The following ZNF280D variants were observed in gnomAD, a reference collection of about 807,000 sequenced individuals.
The protein encoded by ZNF280D is suppressor of hairy wing homolog 4.
A neutral mutation model predicts 94.7 loss-of-function variants in ZNF280D; 39 were observed. The observed-to-expected ratio is 0.41, with a 90% CI of 0.32 to 0.54. The LOEUF (loss-of-function observed/expected upper bound fraction) is 0.54. Among genes scored for constraint, ZNF280D ranks in the 20% least tolerant of loss-of-function variants. ZNF280D has a pLI of 0.22. For missense variants in ZNF280D, 1,090 were observed against 1,149.3 expected (o/e 0.95, Z 0.75); for synonymous variants, 398 against 377.6 (o/e 1.05, Z -0.63).
At chr15:56,715,437 A>T (rs1740984416) in intron 1 of ZNF280D, among the ~76,000 whole-genome samples, 1 of 152,040 alleles carries the variant, frequency 6.6e-6, no homozygotes, top group Non-Finnish European at 1.5e-5. Context: ...TTGAAGATAG[A>T]GTTGTGGTTA....
At chr15:56,702,525 C>A (rs1052853465) in intron 4 of ZNF280D, among the ~76,000 whole-genome samples, 1 of 152,126 alleles carries the variant, frequency 6.6e-6, no homozygotes, top group African/African-American at 2.4e-5. Context: ...CAGTGTTCTA[C>A]CCGAATACCA....
In ZNF280D at chr15:56,631,402, C is replaced by G; in HGVS notation, c.*96G>C. On this transcript the variant is annotated 3_prime_UTR_variant, in exon 22 of 22. Transcript: ENST00000267807. ...TATGTGTGACCTCCCTTACATATTT[C>G]CATTTCTGAACCTACAACAGCACCA... 1 of 1,335,032 alleles carries G rather than the reference C, an allele frequency of 7.5e-7. No homozygotes were observed. Among genetic ancestry groups the G allele is most frequent in the East Asian group, 2.3e-5 (1 of 43,152 alleles). The allele number at this position is 1,335,032 out of a possible 1,614,324, so 82.7% of individuals were successfully genotyped here.
Position 56,631,965 on chromosome 15 carries a change from C to A in ZNF280D, c.2473G>T (p.Val825Phe). ...ADQETGSKNI[V>F]SCDSNIGADK... is the part of the protein sequence containing the mutation. ...GCACCAATATTTGAATCACAACTGA[C>A]GATGTTTTTTGAGCCAGTTTCCTGG... The change falls in exon 22 of 22, where the codon GTC becomes TTC. Residue 825 changes from valine to phenylalanine, a missense_variant. Physicochemically the swap from Val to Phe is conservative, Grantham distance 50 (BLOSUM62 -1). This residue lies in a region of ZNF280D where 577 missense variants were observed against 568.8 expected (regional missense o/e 1.01). Transcript: ENST00000267807. 1 of 1,613,958 alleles carries A rather than the reference C, an allele frequency of 6.2e-7. No homozygotes were observed. The highest frequency in any genetic ancestry group is 8.5e-7 in the Non-Finnish European group (1 of 1,180,002).
At chr15:56,641,238 ATTG>A (rs1409588299) in intron 20 of ZNF280D, among the ~76,000 whole-genome samples, 1 of 151,916 alleles carries the variant, frequency 6.6e-6, no homozygotes, top group Admixed American at 6.6e-5. Context: ...ATTACCTTCA[ATTG>A]TTGTAAGCAA....
At chr15:56,633,152 C>T (rs2052172245) in intron 21 of ZNF280D, among the ~76,000 whole-genome samples, 1 of 152,110 alleles carries the variant, frequency 6.6e-6, no homozygotes, top group Non-Finnish European at 1.5e-5. Context: ...TTATTTCTTA[C>T]ATTTAATCTG....
chr15:56,654,525 A>G (rs1673372454), intron 17 of ZNF280D, 22 bp from the exon 18 acceptor site: 1 of 1,551,788 alleles, frequency 6.4e-7, no homozygotes, highest in Non-Finnish European at 8.7e-7. Flanking sequence ...AGCATTAAAA[A>G]AAGATTTTTA....
chr15:56,631,453 C>A lies in ZNF280D; in HGVS notation c.*45G>T. 1 of 1,589,862 alleles carries A rather than the reference C, an allele frequency of 6.3e-7. No homozygotes were observed. The highest frequency in any genetic ancestry group is 1.7e-5 in the Admixed American group (1 of 58,940). On this transcript the variant is annotated 3_prime_UTR_variant, in exon 22 of 22. Coordinates refer to ENST00000267807, the MANE Select transcript of ZNF280D (RefSeq NM_017661.4). ...CTGAGCTCACCTGATAGCACTGTTC[C>A]AAATGCCCTTATCGTTGGTACACTG...
At position 56,733,442 on chromosome 15, in the gene ZNF280D, G is replaced by A. The variant is rs1596747382; in HGVS notation, c.-86+16C>T. ...CTGCTGCAGCGCAGGGCGGGCGGGG[G>A]CGGGGGGGCGCTTACCGTGAGCGGA... On this transcript the variant is annotated intron_variant, in intron 1 of 21. Coordinates refer to ENST00000267807, the MANE Select transcript of ZNF280D (RefSeq NM_017661.4). 9.4e-7 allele frequency: 1 copy of A among 1,059,274 alleles called. No homozygotes were observed. Among genetic ancestry groups the A allele is most frequent in the Non-Finnish European group, 1.1e-6 (1 of 872,234 alleles). 65.6% of individuals were successfully genotyped at this position (1,059,274 alleles called of 1,614,324 possible).
Position 56,683,882 on chromosome 15 carries a change from C to T in ZNF280D, c.781-1405G>A, listed in dbSNP as rs1026404283. Among the ~76,000 whole-genome samples, 5 of 152,290 alleles carry T rather than the reference C, an allele frequency of 3.3e-5. No individual in the cohort carries two copies. The East Asian group carries it at 9.6e-4, about 29-fold the overall frequency. On this transcript the variant is annotated intron_variant, in intron 9 of 21. Transcript: ENST00000267807. ...CGAAAGCACTATTCAAAGAAGCCAACATCGGGCAGATGGCATTTAGCTAGA... is the reference window on the plus strand; with the variant it reads ...CGAAAGCACTATTCAAAGAAGCCAATATCGGGCAGATGGCATTTAGCTAGA...
Position 56,682,489 on chromosome 15 carries a change from A to T in ZNF280D, c.781-12T>A. 7.4e-7 allele frequency: 1 copy of T among 1,356,474 alleles called. No individual in the cohort carries two copies. The highest frequency in any genetic ancestry group is 9.9e-7 in the Non-Finnish European group (1 of 1,009,560). The allele number at this position is 1,356,474 out of a possible 1,614,324, so 84.0% of individuals were successfully genotyped here. On this transcript the variant is annotated splice_polypyrimidine_tract_variant and intron_variant, in intron 9 of 21. Transcript: ENST00000267807. Reference sequence around the variant, plus strand: ...TCTGGACAACAATACTGAAAGAGAAAAAAAAAAAAAAAAAACAAGCCTTAC... The same window carrying T: ...TCTGGACAACAATACTGAAAGAGAATAAAAAAAAAAAAAAACAAGCCTTAC...
At chr15:56,646,747 T>C (rs754539028) in intron 19 of ZNF280D, among the ~76,000 whole-genome samples, 18 of 152,286 alleles carry the variant, frequency 1.2e-4, no homozygotes, top group Middle Eastern at 3.4e-3. Flanking sequence ...GTTTACATTA[T>C]GAAAAGGTTT....
At chr15:56,650,286 A>G (rs2053131485) in intron 19 of ZNF280D, among the ~76,000 whole-genome samples, 1 of 152,144 alleles carries the variant, frequency 6.6e-6, no homozygotes, top group Non-Finnish European at 1.5e-5. Context: ...GGTGCTAAGT[A>G]TAAAGCTCAT....
intron 9 of ZNF280D, among the ~76,000 whole-genome samples, chr15:56,683,313 A>G (rs1241855339): frequency 1.3e-5 from 2 of 152,102 alleles, no homozygotes; most frequent in African/African-American, 2.4e-5. Context: ...TTGCTTATCC[A>G]AAAAAACAAA....
chr15:56,662,830 C>CAA (rs577795987), intron 16 of ZNF280D, among the ~76,000 whole-genome samples: 48 of 50,826 alleles, frequency 9.4e-4, no homozygotes, highest in African/African-American at 3.1e-3. Context: ...GACTCTGTCT[C>CAA]AAAAAAAAAA....
intron 1 of ZNF280D, among the ~76,000 whole-genome samples, chr15:56,712,501 G>A (rs1208398997): frequency 7.2e-6 from 1 of 138,834 alleles, no homozygotes; most frequent in African/African-American, 2.7e-5. Context: ...GGTGGCACAT[G>A]CCCCTGGTCC....
At chr15:56,718,128 T>A (rs575574471) in intron 1 of ZNF280D, among the ~76,000 whole-genome samples, 233 of 151,892 alleles carry the variant, frequency 1.5e-3, no homozygotes, top group Admixed American at 2.8e-3. Context: ...AAAAAAAAAA[T>A]TCTAATTAGA....
At chr15:56,728,359 G>A (rs1314329081) in intron 1 of ZNF280D, among the ~76,000 whole-genome samples, 4 of 152,104 alleles carry the variant, frequency 2.6e-5, no homozygotes, top group Non-Finnish European at 5.9e-5. Context: ...GAATGCAGGG[G>A]TATGCAAAGG....
At chr15:56,650,358 A>G (rs1183455702) in intron 19 of ZNF280D, among the ~76,000 whole-genome samples, 4 of 152,188 alleles carry the variant, frequency 2.6e-5, no homozygotes, top group African/African-American at 7.2e-5. Context: ...CACATTTTAC[A>G]TATTTCTAAC....
chr15:56,727,666 G>A (rs553580329), intron 1 of ZNF280D, among the ~76,000 whole-genome samples: 69 of 152,054 alleles, frequency 4.5e-4, no homozygotes, highest in Non-Finnish European at 7.9e-4. Flanking sequence ...TTCATTTTCT[G>A]CCCAAAATGG....
Sources: allele counts gnomAD v4.1 joint callset (sites outside exome capture counted in the v4.1 genomes callset), GRCh38; gene constraint gnomAD v4.1.1; regional missense constraint gnomAD v4.1.1; transcripts MANE v1.5; gene names NCBI Gene and HGNC (gene_info 2026-07-23, HGNC 2026-07-21).